LRRC18: variants seen among roughly 807,000 people sequenced by gnomAD.
LRRC18 encodes leucine rich repeat containing 18.
In LRRC18, 12 loss-of-function variants were observed where a neutral mutation model predicts 11.2. The ratio of observed to expected loss-of-function variants is 1.07; its 90% CI spans 0.69 to 1.74. LRRC18 has a LOEUF of 1.74. Among genes scored for constraint, LRRC18 ranks in the 40% most tolerant of loss-of-function variants. The pLI is 0.00. For missense variants in LRRC18, 374 were observed against 330.5 expected (o/e 1.13, Z -1.02); for synonymous variants, 155 against 130.6 (o/e 1.19, Z -1.27).
the LRRC18 span, among the ~76,000 whole-genome samples, chr10:48,925,879 A>G: frequency 6.6e-6 from 1 of 152,154 alleles, no homozygotes; most frequent in Non-Finnish European, 1.5e-5. Flanking sequence ...TGGGCCCTTC[A>G]TGTATGTCTA....
At chr10:48,921,418 CA>C in the LRRC18 span, among the ~76,000 whole-genome samples, 1 of 152,012 alleles carries the variant, frequency 6.6e-6, no homozygotes. Context: ...TATTTATATG[CA>C]AAAATTAAAC....
At chr10:48,930,428 A>G in the LRRC18 span, among the ~76,000 whole-genome samples, 1 of 152,220 alleles carries the variant, frequency 6.6e-6, no homozygotes, top group Non-Finnish European at 1.5e-5. Context: ...TTGTTTGACC[A>G]TGAGAACAAG....
At chr10:48,935,317 C>T in the LRRC18 span, 1 of 152,242 alleles carries the variant, frequency 6.6e-6, no homozygotes, top group Non-Finnish European at 1.5e-5. Flanking sequence ...GTCTCTAAGA[C>T]ACTCTAATTT....
At chr10:48,930,964 G>A in the LRRC18 span, among the ~76,000 whole-genome samples, 1 of 152,232 alleles carries the variant, frequency 6.6e-6, no homozygotes. Context: ...TCTCTGAAGG[G>A]ACGGTACTGG....
chr10:48,929,890 A>G, the LRRC18 span, among the ~76,000 whole-genome samples: 1 of 152,112 alleles, frequency 6.6e-6, no homozygotes, highest in South Asian at 2.1e-4. Context: ...CAATTAATAA[A>G]GCAGACTGAC....
chr10:48,932,785 C>CT, the LRRC18 span, among the ~76,000 whole-genome samples: 1 of 152,118 alleles, frequency 6.6e-6, no homozygotes, highest in Non-Finnish European at 1.5e-5. Flanking sequence ...GGGGACGTTG[C>CT]TAACTCAGAC....
the LRRC18 span, among the ~76,000 whole-genome samples, chr10:48,929,417 G>A: frequency 1.3e-5 from 2 of 152,186 alleles, no homozygotes; most frequent in Non-Finnish European, 2.9e-5. Context: ...CATACTCCAG[G>A]CCAGTGAGTG....
the LRRC18 span, among the ~76,000 whole-genome samples, chr10:48,937,176 G>A: frequency 1.3e-5 from 2 of 152,180 alleles, no homozygotes; most frequent in Non-Finnish European, 2.9e-5. Flanking sequence ...TTACACGTGT[G>A]AGCCACTGTG....
chr10:48,910,023 A>G (rs527952611), exon 2 of LRRC18: 22 of 560,694 alleles, frequency 3.9e-5, no homozygotes, highest in Non-Finnish European at 6.7e-5. Context: ...ACCACATCAA[A>G]TATTTCCCAA....
the LRRC18 span, among the ~76,000 whole-genome samples, chr10:48,927,716 C>T: frequency 1.6e-3 from 248 of 152,306 alleles, no homozygotes; most frequent in Non-Finnish European, 2.8e-3. Context: ...TTTCCCCTAG[C>T]GGATAATAAG....
At chr10:48,924,625 T>C in the LRRC18 span, among the ~76,000 whole-genome samples, 1 of 152,258 alleles carries the variant, frequency 6.6e-6, no homozygotes, top group Non-Finnish European at 1.5e-5. Context: ...TGTACAATTT[T>C]TTTTTATACT....
chr10:48,933,308 T>G, the LRRC18 span, among the ~76,000 whole-genome samples: 21 of 152,144 alleles, frequency 1.4e-4, no homozygotes, highest in African/African-American at 3.9e-4. Context: ...ATCATCTCAT[T>G]TAATCTAGTC....
upstream of LRRC18, among the ~76,000 whole-genome samples, chr10:48,915,042 C>A (rs959012399): frequency 2.6e-5 from 4 of 152,314 alleles, no homozygotes; most frequent in African/African-American, 9.6e-5. Context: ...GGGATTCTGG[C>A]TTCTGCATGC....
intron 1 of LRRC18, among the ~76,000 whole-genome samples, chr10:48,911,211 C>T (rs894519872): frequency 6.6e-6 from 1 of 152,192 alleles, no homozygotes; most frequent in African/African-American, 2.4e-5. Flanking sequence ...CTCCCCTCAG[C>T]TTCAGAAGGG....
At chr10:48,911,168 G>C (rs1017815757) in intron 1 of LRRC18, among the ~76,000 whole-genome samples, 2 of 152,134 alleles carry the variant, frequency 1.3e-5, no homozygotes, top group Non-Finnish European at 2.9e-5. Flanking sequence ...CCTACAGCAT[G>C]GTGTCTCATC....
At chr10:48,918,007 G>A (rs908648291), upstream of LRRC18, among the ~76,000 whole-genome samples, 38 of 152,140 alleles carry the variant, frequency 2.5e-4, no homozygotes, top group African/African-American at 8.9e-4. Context: ...CTTTTGAAGT[G>A]GTGAAAGGTT....
chr10:48,910,944 C>T (rs545717020), intron 1 of LRRC18: 1 of 982,160 alleles, frequency 1.0e-6, no homozygotes, highest in African/African-American at 1.7e-5. Flanking sequence ...TTTTGAATAC[C>T]TAAGGAGGGA....
the LRRC18 span, among the ~76,000 whole-genome samples, chr10:48,924,715 G>T: frequency 6.6e-6 from 1 of 152,140 alleles, no homozygotes; most frequent in Non-Finnish European, 1.5e-5. Context: ...CAAACAGCAT[G>T]GTGGGATACC....
At chr10:48,921,406 G>A in the LRRC18 span, among the ~76,000 whole-genome samples, 151 of 152,224 alleles carry the variant, frequency 9.9e-4, no homozygotes, top group African/African-American at 3.4e-3. Flanking sequence ...GTTGAAATTG[G>A]TTATTTATAT....
Sources: gnomAD v4.1 joint callset for allele counts (sites outside exome capture counted in the v4.1 genomes callset) on GRCh38, gnomAD v4.1.1 for gene constraint, MANE v1.5 for transcripts, NCBI Gene and HGNC (gene_info 2026-07-23, HGNC 2026-07-21) for gene names.